MAGI2: variants seen among roughly 807,000 people sequenced by gnomAD.
MAGI2 encodes the protein membrane-associated guanylate kinase, WW and PDZ domain-containing protein 2.
MAGI2 carries 35 observed loss-of-function variants against 133.3 expected under a neutral mutation model. The ratio of observed to expected loss-of-function variants is 0.26; its 90% CI spans 0.20 to 0.35. MAGI2 has a LOEUF of 0.35. Among genes scored for constraint, MAGI2 ranks in the 10% least tolerant of loss-of-function variants. The pLI is 1.00. For synonymous variants in MAGI2, 729 were observed against 710.6 expected, an observed-to-expected ratio of 1.03 and a Z score of -0.41; for missense variants, 1,636 against 1,863.4, an observed-to-expected ratio of 0.88 and a Z score of 2.25.
intron 6 of MAGI2, among the ~76,000 whole-genome samples, chr7:78,384,528 A>C (rs918698043): frequency 1.3e-5 from 2 of 152,214 alleles, no homozygotes; most frequent in African/African-American, 4.8e-5. Context: ...ATCACAATTG[A>C]TTTAAATAAT....
intron 1 of MAGI2, among the ~76,000 whole-genome samples, chr7:79,307,435 C>T (rs1355892183): frequency 6.6e-6 from 1 of 152,130 alleles, no homozygotes; most frequent in Admixed American, 6.5e-5. Flanking sequence ...AGAGGCTTCA[C>T]CAGAGGCTTT....
At position 79,453,002 on chromosome 7, in the gene MAGI2, G is replaced by C. The variant is rs1849400216; in HGVS notation, c.301+18C>G. The C allele has an allele frequency of 6.5e-7, 1 of 1,543,668 alleles. No homozygotes were observed. The highest frequency in any genetic ancestry group is 1.4e-5 in the African/African-American group (1 of 73,404). ...GTCCCACCGCCCGGCAAAACACTGA[G>C]CAAGCCGCTGCTCTCACCTTGCTTG... is the stretch of plus-strand genomic sequence containing the variant. On this transcript the variant is annotated intron_variant, in intron 1 of 21. Transcript: ENST00000354212.
At chr7:78,866,107 G>C (rs750395454) in intron 2 of MAGI2, among the ~76,000 whole-genome samples, 9 of 152,178 alleles carry the variant, frequency 5.9e-5, no homozygotes, top group Non-Finnish European at 8.8e-5. Flanking sequence ...GAATTACTTA[G>C]TACATAACTT....
At chr7:78,785,117 AAAGTT>A (rs1227699036) in intron 2 of MAGI2, among the ~76,000 whole-genome samples, 5 of 152,222 alleles carry the variant, frequency 3.3e-5, no homozygotes, top group African/African-American at 1.2e-4. Flanking sequence ...ACGAAACAAT[AAAGTT>A]ATCACCCTAG....
In MAGI2 at chr7:78,682,691, A is replaced by G. The variant is rs373365151; in HGVS notation, c.419-55452T>C. Reference sequence around the variant, plus strand: ...AGTGCTGCAGTAAACATACATGTGCATGTGTCTTTATAGTAGTGGAAGACA... The same window carrying G: ...AGTGCTGCAGTAAACATACATGTGCGTGTGTCTTTATAGTAGTGGAAGACA... On this transcript the variant is annotated intron_variant, in intron 2 of 21. Coordinates refer to ENST00000354212, the MANE Select transcript of MAGI2 (RefSeq NM_012301.4). 3.3e-5 allele frequency among the ~76,000 whole-genome samples: 5 copies of G among 152,178 alleles called. No homozygotes were observed. In the East Asian group the frequency reaches 9.6e-4, roughly 29 times the overall value.
intron 19 of MAGI2, among the ~76,000 whole-genome samples, chr7:78,126,441 T>A (rs181555900): frequency 6.6e-6 from 1 of 152,344 alleles, no homozygotes; most frequent in Admixed American, 6.5e-5. Flanking sequence ...CACAATGTAA[T>A]CTGATAGAGT....
chr7:79,346,956 A>G (rs920032126), intron 1 of MAGI2, among the ~76,000 whole-genome samples: 5 of 152,012 alleles, frequency 3.3e-5, no homozygotes, highest in African/African-American at 1.2e-4. Context: ...GTGAGCATAG[A>G]GACTCTGGCT....
intron 14 of MAGI2, among the ~76,000 whole-genome samples, chr7:78,173,134 A>G (rs1253689955): frequency 6.6e-6 from 1 of 152,184 alleles, no homozygotes; most frequent in Non-Finnish European, 1.5e-5. Flanking sequence ...ATGACTGCCC[A>G]CTGGAGGGGA....
At chr7:79,399,077 T>G (rs1431884135) in intron 1 of MAGI2, among the ~76,000 whole-genome samples, 1 of 144,830 alleles carries the variant, frequency 6.9e-6, no homozygotes, top group East Asian at 2.1e-4. Context: ...CTAGTATTAT[T>G]TCTTTTTTTT....
intron 4 of MAGI2, among the ~76,000 whole-genome samples, chr7:78,511,035 A>G (rs996767979): frequency 6.6e-6 from 1 of 152,146 alleles, no homozygotes; most frequent in Non-Finnish European, 1.5e-5. Context: ...TGCAAACCCA[A>G]TAATCCCATT....
intron 1 of MAGI2, among the ~76,000 whole-genome samples, chr7:79,209,157 G>A (rs1039023621): frequency 1.3e-5 from 2 of 151,884 alleles, no homozygotes; most frequent in African/African-American, 4.9e-5. Flanking sequence ...AAAATGCTAA[G>A]AAAGTGGATA....
chr7:78,961,103 G>C (rs951605593), intron 2 of MAGI2, among the ~76,000 whole-genome samples: 1 of 152,126 alleles, frequency 6.6e-6, no homozygotes, highest in African/African-American at 2.4e-5. Context: ...CAATTCAAAA[G>C]AGAGTACTTT....
chr7:78,475,661 A>C (rs1345445630), intron 6 of MAGI2, among the ~76,000 whole-genome samples: 1 of 151,954 alleles, frequency 6.6e-6, no homozygotes, highest in Non-Finnish European at 1.5e-5. Context: ...TGAATATAGC[A>C]CTTAAATGTA....
chr7:78,390,191 C>T (rs1795768403), intron 6 of MAGI2, among the ~76,000 whole-genome samples: 1 of 152,138 alleles, frequency 6.6e-6, no homozygotes, highest in African/African-American at 2.4e-5. Context: ...TTTAAACCCC[C>T]ATTAGACATA....
Position 78,771,091 on chromosome 7 carries a change from C to A in MAGI2, c.419-143852G>T, listed in dbSNP as rs564303286. Reference sequence around the variant, plus strand: ...CCGCTGAGCTCTTTTGTTTTCCCTCCTCTCAAAGATGAAGCATGCAGCACT... The same window carrying A: ...CCGCTGAGCTCTTTTGTTTTCCCTCATCTCAAAGATGAAGCATGCAGCACT... On this transcript the variant is annotated intron_variant, in intron 2 of 21. Transcript: ENST00000354212. 1.3e-4 allele frequency: 20 copies of A among 152,294 alleles called. No homozygotes were observed. In the East Asian group the frequency reaches 3.5e-3, roughly 27 times the overall value. 9.4% of individuals were successfully genotyped at this position (152,294 alleles called of 1,614,324 possible).
At chr7:78,231,106 G>A (rs1789923562) in intron 10 of MAGI2, among the ~76,000 whole-genome samples, 1 of 152,218 alleles carries the variant, frequency 6.6e-6, no homozygotes, top group South Asian at 2.1e-4. Flanking sequence ...ATGTTAAAAT[G>A]TAGATAATGA....
chr7:79,300,787 A>T (rs1215610878), intron 1 of MAGI2, among the ~76,000 whole-genome samples: 2 of 152,226 alleles, frequency 1.3e-5, no homozygotes, highest in Admixed American at 1.3e-4. Context: ...GTGGCAGCCC[A>T]TCACATCACA....
intron 6 of MAGI2, among the ~76,000 whole-genome samples, chr7:78,390,699 G>A (rs891997522): frequency 1.3e-5 from 2 of 152,066 alleles, no homozygotes; most frequent in Non-Finnish European, 2.9e-5. Context: ...AACTTCAATA[G>A]TGCTACTTCT....
At chr7:79,168,889 GATATATATATAT>G (rs1182056135) in intron 1 of MAGI2, among the ~76,000 whole-genome samples, 38 of 14,630 alleles carry the variant, frequency 2.6e-3, no homozygotes, top group South Asian at 0.016. Context: ...TCTAAAGATA[GATATATATATAT>G]ATATATATAT....
Sources: allele counts gnomAD v4.1 joint callset (sites outside exome capture counted in the v4.1 genomes callset), GRCh38; gene constraint gnomAD v4.1.1; transcripts MANE v1.5; gene names NCBI Gene and HGNC (gene_info 2026-07-23, HGNC 2026-07-21).